The following AGBL2 variants were observed in gnomAD, a reference collection of about 807,000 sequenced individuals.
AGBL2 encodes the protein AGBL carboxypeptidase 2.
In AGBL2, 87 loss-of-function variants were observed where a neutral mutation model predicts 103.0. That is an observed-to-expected ratio of 0.84 (90% CI 0.71 to 1.01). The LOEUF (loss-of-function observed/expected upper bound fraction) is 1.01. AGBL2 is among the 50% of genes least tolerant of loss of function. AGBL2 has a pLI of 0.00. For synonymous variants in AGBL2, 335 were observed against 356.7 expected (o/e 0.94, Z 0.69); for missense variants, 904 against 1,023.5 (o/e 0.88, Z 1.59).
At position 47,678,288 on chromosome 11, in the gene AGBL2, CTATTTTATTTTATTTTATTTTATTT is replaced by C. The variant is rs10557006; in HGVS notation, c.2017-912_2017-888del. Among the ~76,000 whole-genome samples the C allele has an allele frequency of 4.8e-5, 6 of 123,926 alleles. No homozygotes were observed. In the South Asian group the frequency reaches 1.6e-3, roughly 33 times the overall value. 81.3% of individuals were successfully genotyped at this position (123,926 alleles called of 152,430 possible). On this transcript the variant is annotated intron_variant, in intron 13 of 18. Coordinates refer to ENST00000525123, the MANE Select transcript of AGBL2 (RefSeq NM_024783.4). Reference sequence around the variant, plus strand: ...CCAACTTCTTCAACAATGCAATACTCTATTTTATTTTATTTTATTTTATTTTATTTTATTTTATTTTATTTTATTA... The same window carrying C: ...CCAACTTCTTCAACAATGCAATACTCTATTTTATTTTATTTTATTTTATTA...
At chr11:47,679,788 A>G (rs959517923) in intron 13 of AGBL2, among the ~76,000 whole-genome samples, 185 bp downstream of exon 13, 5 of 151,792 alleles carry the variant, frequency 3.3e-5, no homozygotes, top group African/African-American at 1.2e-4. Context: ...TTACAGGCAC[A>G]TGCCACCACG....
chr11:47,681,723 G>T (rs1418278276), intron 12 of AGBL2, among the ~76,000 whole-genome samples: 2 of 152,212 alleles, frequency 1.3e-5, no homozygotes, highest in African/African-American at 4.8e-5. Context: ...CTCCCAAAGT[G>T]CTGGGATTAC....
chr11:47,663,263 G>A, intron 17 of AGBL2, 151 bp from the exon 18 acceptor site: 1 of 589,012 alleles, frequency 1.7e-6, no homozygotes, highest in South Asian at 2.3e-5. Context: ...ATTCAAAGAA[G>A]GAAAAACAAT....
At chr11:47,670,697 A>G (rs1260891731) in intron 14 of AGBL2, among the ~76,000 whole-genome samples, 4 of 150,856 alleles carry the variant, frequency 2.7e-5, no homozygotes, top group South Asian at 4.2e-4. Context: ...TCTCTATTAA[A>G]AAAAAAAAAA....
intron 11 of AGBL2, among the ~76,000 whole-genome samples, chr11:47,683,191 C>T (rs183491827): frequency 0.02 from 2,997 of 151,726 alleles, 36 homozygotes; most frequent in Middle Eastern, 0.034. Context: ...GCCAAGATGG[C>T]GAAACCCCGA....
chr11:47,696,797 T>A (rs2097475943), intron 8 of AGBL2, among the ~76,000 whole-genome samples: 1 of 152,174 alleles, frequency 6.6e-6, no homozygotes, highest in Non-Finnish European at 1.5e-5. Flanking sequence ...ATTTTGATAA[T>A]TTGTGCCTCT....
At chr11:47,714,539 G>C in intron 2 of AGBL2, 79 bp downstream of exon 2, 1 of 1,483,490 alleles carries the variant, frequency 6.7e-7, no homozygotes, top group Non-Finnish European at 9.4e-7. Context: ...TTCTCATCTA[G>C]TAGCAGATTT....
Position 47,692,229 on chromosome 11 carries a change from C to G in AGBL2, c.722G>C (p.Ser241Thr). 6.2e-7 allele frequency: 1 copy of G among 1,613,710 alleles called. No individual in the cohort carries two copies. The highest frequency in any genetic ancestry group is 8.5e-7 in the Non-Finnish European group (1 of 1,179,852). Reference sequence around the variant, plus strand: ...TCCTCGTTTGCCTCCCACTCTGGAACTGGTAAAATAGGAACCTTCTATAGG... The same window carrying G: ...TCCTCGTTTGCCTCCCACTCTGGAAGTGGTAAAATAGGAACCTTCTATAGG... ...SVPIEGSYFTSSRVGGKRGIV... is the reference protein window; with the variant it reads ...SVPIEGSYFTTSRVGGKRGIV... Residue 241 changes from serine to threonine, a missense_variant, in exon 9 of 19, where the codon AGT becomes ACT. Physicochemically the swap from Ser to Thr is moderately conservative, Grantham distance 58. Coordinates refer to ENST00000525123, the MANE Select transcript of AGBL2 (RefSeq NM_024783.4).
At chr11:47,686,826 G>C (rs1379112942) in intron 10 of AGBL2, among the ~76,000 whole-genome samples, 1 of 151,766 alleles carries the variant, frequency 6.6e-6, no homozygotes, top group Non-Finnish European at 1.5e-5. Flanking sequence ...AGGTGTTGTG[G>C]TGCATACCTG....
chr11:47,699,542 G>T lies in AGBL2; in HGVS notation c.598C>A (p.Pro200Thr). ...GGCTGATAGAAATATTCTGGTTGAG[G>T]TGGAGCCCACTCTGAAAGAAGACAT... Reference protein sequence around the residue: ...ENIHHIEWAPPQPEYFYQPKG... With the variant: ...ENIHHIEWAPTQPEYFYQPKG... Residue 200 changes from proline to threonine, a missense_variant, in exon 8 of 19, where the codon CCT becomes ACT. Transcript: ENST00000525123. 6.3e-7 allele frequency: 1 copy of T among 1,597,308 alleles called. No individual in the cohort carries two copies.
intron 9 of AGBL2, among the ~76,000 whole-genome samples, chr11:47,691,556 A>G (rs2097445384): frequency 6.8e-6 from 1 of 147,158 alleles, no homozygotes; most frequent in African/African-American, 2.5e-5. Context: ...AAATACAAAA[A>G]AATTAGCCAG....
In AGBL2 at chr11:47,680,045, G is replaced by A. The variant is rs763413891; in HGVS notation, c.1944C>T (p.Ile648=). Residue 648 remains isoleucine, a synonymous_variant, in exon 13 of 19, where the codon ATC becomes ATT. Transcript: ENST00000525123. ...LGNKRDTHFT[I]EDLKSLGYHV... ...GATAACCTAAGGACTTCAGATCTTCGATGGTAAAGTGGGTGTCTCTTTTAT... is the reference window on the plus strand; with the variant it reads ...GATAACCTAAGGACTTCAGATCTTCAATGGTAAAGTGGGTGTCTCTTTTAT... 38 of 1,610,634 alleles carry A rather than the reference G, an allele frequency of 2.4e-5. No individual in the cohort carries two copies. Among genetic ancestry groups the A allele is most frequent in the Middle Eastern group, 3.3e-4 (2 of 6,076 alleles).
intron 7 of AGBL2, among the ~76,000 whole-genome samples, chr11:47,703,817 CAG>C (rs780423073): frequency 1.3e-4 from 19 of 150,576 alleles, no homozygotes; most frequent in Non-Finnish European, 2.1e-4. Flanking sequence ...CCCAGCTACT[CAG>C]GGGGCTGAGG....
chr11:47,670,678 G>A (rs2097354575), intron 14 of AGBL2, among the ~76,000 whole-genome samples: 1 of 143,676 alleles, frequency 7.0e-6, no homozygotes, highest in Non-Finnish European at 1.5e-5. Context: ...GCAACACAGT[G>A]ATACCCTGTC....
At chr11:47,661,078 G>C (rs911574686) in intron 18 of AGBL2, among the ~76,000 whole-genome samples, 1 of 151,894 alleles carries the variant, frequency 6.6e-6, no homozygotes. Context: ...TGGGATAATC[G>C]CTTGAGCCTG....
chr11:47,699,263 A>C (rs2097488838), intron 8 of AGBL2, among the ~76,000 whole-genome samples, 183 bp downstream of exon 8: 1 of 152,222 alleles, frequency 6.6e-6, no homozygotes, highest in Non-Finnish European at 1.5e-5. Context: ...CTTTGATTTT[A>C]GAAAATTATC....
chr11:47,687,699 C>T (rs1440135071), intron 10 of AGBL2, among the ~76,000 whole-genome samples: 1 of 152,084 alleles, frequency 6.6e-6, no homozygotes, highest in Non-Finnish European at 1.5e-5. Context: ...CAGATGCTAG[C>T]ACCATGCTTC....
chr11:47,690,691 A>C lies in AGBL2; in HGVS notation c.1016T>G (p.Leu339Arg), dbSNP rs2097441781. Reference sequence around the variant, plus strand: ...GTTGGCATCCAATTGGGAGTACAAGAGTGGCTTCATCCCTACAGTATAAAG... The same window carrying C: ...GTTGGCATCCAATTGGGAGTACAAGCGTGGCTTCATCCCTACAGTATAAAG... ...KSLYTVGMKP[L>R]LYSQLDANTR... The change falls in exon 10 of 19, where the codon CTC becomes CGC. Residue 339 changes from leucine to arginine, a missense_variant. By Grantham distance (102) the Leu-to-Arg change is moderately radical. Coordinates refer to ENST00000525123, the MANE Select transcript of AGBL2 (RefSeq NM_024783.4). 1.9e-6 allele frequency: 3 copies of C among 1,614,020 alleles called. No individual in the cohort carries two copies. Among genetic ancestry groups the C allele is most frequent in the African/African-American group, 1.3e-5 (1 of 74,918 alleles).
chr11:47,668,405 G>A (rs2097347608), intron 15 of AGBL2, among the ~76,000 whole-genome samples: 1 of 151,946 alleles, frequency 6.6e-6, no homozygotes. Context: ...GCTGAGGCAG[G>A]AGAATTGCTT....
Sources: allele counts gnomAD v4.1 joint callset (sites outside exome capture counted in the v4.1 genomes callset), GRCh38; gene constraint gnomAD v4.1.1; transcripts MANE v1.5; gene names NCBI Gene and HGNC (gene_info 2026-07-23, HGNC 2026-07-21).